OSBPL10: variants seen among roughly 807,000 people sequenced by gnomAD.
OSBPL10 encodes the protein oxysterol-binding protein-related protein 10.
OSBPL10 carries 49 observed loss-of-function variants against 81.7 expected under a neutral mutation model. That is an observed-to-expected ratio of 0.60 (90% CI 0.48 to 0.76). OSBPL10 has a LOEUF of 0.76. OSBPL10 is among the 30% of genes least tolerant of loss of function. The probability of loss-of-function intolerance (pLI) is 0.00; values close to 1 mark genes in which losing one functional copy is unlikely to be tolerated. For missense variants in OSBPL10, 923 were observed against 987.8 expected, an observed-to-expected ratio of 0.93 and a Z score of 0.88; for synonymous variants, 419 against 383.6, an observed-to-expected ratio of 1.09 and a Z score of -1.08.
intron 7 of OSBPL10, among the ~76,000 whole-genome samples, chr3:31,690,492 TG>T (rs1695501100): frequency 6.6e-6 from 1 of 152,162 alleles, no homozygotes; most frequent in Admixed American, 6.5e-5. Context: ...TACTGTAGAT[TG>T]GAAAATGTTC....
intron 4 of OSBPL10, among the ~76,000 whole-genome samples, chr3:31,794,119 G>T (rs924645371): frequency 1.3e-5 from 2 of 152,170 alleles, no homozygotes; most frequent in Admixed American, 6.5e-5. Flanking sequence ...GGCACCTGCA[G>T]CTCCCGACCC....
intron 1 of OSBPL10, among the ~76,000 whole-genome samples, chr3:32,072,335 G>A (rs754266637): frequency 6.6e-6 from 1 of 151,872 alleles, no homozygotes; most frequent in African/African-American, 2.4e-5. Context: ...ATGCTGATAA[G>A]GTAGCTAAAG....
At chr3:31,926,344 A>C (rs1449088835) in intron 1 of OSBPL10, among the ~76,000 whole-genome samples, 1 of 138,512 alleles carries the variant, frequency 7.2e-6, no homozygotes, top group African/African-American at 2.7e-5. Context: ...TTATAACCAG[A>C]GAAGATGCCA....
At chr3:31,879,859 T>C in intron 1 of OSBPL10, 29 bp from the exon 2 acceptor site, 1 of 1,603,996 alleles carries the variant, frequency 6.2e-7, no homozygotes, top group South Asian at 1.1e-5. Flanking sequence ...GTACATCATT[T>C]TTCTCTCCTA....
At chr3:31,831,354 C>T (rs535982899) in intron 3 of OSBPL10, among the ~76,000 whole-genome samples, 2 of 150,678 alleles carry the variant, frequency 1.3e-5, no homozygotes, top group Admixed American at 6.6e-5. Flanking sequence ...TGCAGTGAGC[C>T]GAGATCGTGC....
rs35788348 is a variant in OSBPL10 at position 31,876,903 on chromosome 3, CTT to C, written c.458-393_458-392del. ...TAGCTAATATGAGTATCAAATGGCA[CTT>C]TTTTTTTTTTTTTTTTGAGACGGAG... On this transcript the variant is annotated intron_variant, in intron 2 of 11. Transcript: ENST00000396556. 7.9e-3 allele frequency among the ~76,000 whole-genome samples: 1,046 copies of C among 131,690 alleles called. 11 individuals are homozygous for C. The highest frequency in any genetic ancestry group is 0.026 in the African/African-American group (924 of 35,496). The allele number at this position is 131,690 out of a possible 152,430, so 86.4% of individuals were successfully genotyped here. A position where few individuals can be genotyped will look rare whatever the true frequency, so the allele number is the denominator to read the frequency against.
chr3:31,811,134 A>C (rs1699667828), intron 4 of OSBPL10, among the ~76,000 whole-genome samples: 1 of 151,576 alleles, frequency 6.6e-6, no homozygotes, highest in Non-Finnish European at 1.5e-5. Context: ...ACTCCCCAGA[A>C]AGGGGCTCAG....
At chr3:31,806,146 C>A (rs1272008291) in intron 4 of OSBPL10, among the ~76,000 whole-genome samples, 1 of 152,128 alleles carries the variant, frequency 6.6e-6, no homozygotes, top group Non-Finnish European at 1.5e-5. Context: ...TGCCGTCACA[C>A]CACTTACCTC....
At chr3:31,702,319 C>T in intron 7 of OSBPL10, 40 bp downstream of exon 7, 1 of 1,607,372 alleles carries the variant, frequency 6.2e-7, no homozygotes, top group Non-Finnish European at 8.5e-7. Context: ...AGACAGAACC[C>T]CAACAACTGA....
chr3:31,837,088 C>T (rs368961015), intron 3 of OSBPL10, among the ~76,000 whole-genome samples: 26 of 152,058 alleles, frequency 1.7e-4, no homozygotes, highest in African/African-American at 5.8e-4. Flanking sequence ...GAGATTCAGC[C>T]CCTTCAGCTG....
At chr3:31,793,550 C>G (rs1022299803) in intron 4 of OSBPL10, among the ~76,000 whole-genome samples, 1 of 152,184 alleles carries the variant, frequency 6.6e-6, no homozygotes, top group African/African-American at 2.4e-5. Flanking sequence ...AAATCCAAAA[C>G]TAAGCACAAA....
At chr3:31,768,451 T>G (rs962780327) in intron 4 of OSBPL10, among the ~76,000 whole-genome samples, 1 of 152,226 alleles carries the variant, frequency 6.6e-6, no homozygotes, top group Non-Finnish European at 1.5e-5. Context: ...GACTTATCTG[T>G]GTACTATTAA....
At chr3:31,810,481 T>C (rs1699651631) in intron 4 of OSBPL10, among the ~76,000 whole-genome samples, 1 of 151,796 alleles carries the variant, frequency 6.6e-6, no homozygotes, top group Non-Finnish European at 1.5e-5. Flanking sequence ...ACTTTGACTA[T>C]GAAAAAACAA....
chr3:31,932,665 A>G (rs1248266418), intron 1 of OSBPL10, among the ~76,000 whole-genome samples: 3 of 152,072 alleles, frequency 2.0e-5, no homozygotes. Context: ...CAAAGAGGCT[A>G]TTTAACATCA....
intron 1 of OSBPL10, among the ~76,000 whole-genome samples, chr3:31,932,469 T>C (rs1399703292): frequency 2.0e-5 from 3 of 152,248 alleles, no homozygotes; most frequent in Non-Finnish European, 4.4e-5. Flanking sequence ...TAAGAAGATA[T>C]ACAATTTATT....
chr3:31,697,391 TGG>T (rs35807706), intron 7 of OSBPL10, among the ~76,000 whole-genome samples: 1 of 151,542 alleles, frequency 6.6e-6, no homozygotes, highest in East Asian at 1.9e-4. Context: ...TAAAAAAAAT[TGG>T]GGGGGGGTTA....
At chr3:31,988,185 T>C (rs1163741867) in intron 2 of OSBPL10, among the ~76,000 whole-genome samples, 3 of 152,158 alleles carry the variant, frequency 2.0e-5, no homozygotes. Context: ...TGCTTCACCA[T>C]TGTGTTTTGA....
At chr3:31,759,482 A>G (rs1266588666) in intron 4 of OSBPL10, among the ~76,000 whole-genome samples, 10 of 152,228 alleles carry the variant, frequency 6.6e-5, no homozygotes, top group Non-Finnish European at 2.9e-5. Context: ...ATAGAAAAAG[A>G]AATCAAATAG....
At chr3:31,784,399 A>AAAAAGG (rs926138640) in intron 4 of OSBPL10, among the ~76,000 whole-genome samples, 17 of 150,298 alleles carry the variant, frequency 1.1e-4, no homozygotes, top group South Asian at 4.2e-4. Context: ...AAAGGAAAGG[A>AAAAAGG]AAAAGGAAAA....
Sources: gnomAD v4.1 joint callset for allele counts (sites outside exome capture counted in the v4.1 genomes callset) on GRCh38, gnomAD v4.1.1 for gene constraint, MANE v1.5 for transcripts, NCBI Gene and HGNC (gene_info 2026-07-23, HGNC 2026-07-21) for gene names.